Variants in ADAMTSL1 observed in about 807,000 individuals in gnomAD.
ADAMTSL1 encodes ADAMTS like 1, also known as ADAMTS-like protein 1.
A neutral mutation model predicts 201.8 loss-of-function variants in ADAMTSL1; 126 were observed. The ratio of observed to expected loss-of-function variants is 0.62; its 90% confidence interval spans 0.54 to 0.72. The LOEUF is 0.72. Ranked by LOEUF, ADAMTSL1 falls within the 30% of genes least tolerant of loss-of-function variation. ADAMTSL1 has a pLI of 0.00. For missense variants in ADAMTSL1, 2,679 were observed against 2,277.8 expected, an observed-to-expected ratio of 1.18 and a Z score of -3.59; for synonymous variants, 1,121 against 903.4, an observed-to-expected ratio of 1.24 and a Z score of -4.32.
intron 1 of ADAMTSL1, among the ~76,000 whole-genome samples, chr9:17,984,730 C>A (rs1588523496): frequency 6.6e-6 from 1 of 152,062 alleles, no homozygotes; most frequent in Non-Finnish European, 1.5e-5. Flanking sequence ...TAAACCTATT[C>A]TTTTGATGGC....
chr9:17,949,325 G>C (rs964629637), intron 1 of ADAMTSL1, among the ~76,000 whole-genome samples: 8 of 152,132 alleles, frequency 5.3e-5, no homozygotes, highest in Non-Finnish European at 8.8e-5. Flanking sequence ...TGAGAGAGCT[G>C]AGATATGAAG....
At chr9:18,907,610 C>T (rs1273370340) in intron 28 of ADAMTSL1, 2 of 152,346 alleles carry the variant, frequency 1.3e-5, no homozygotes, top group Non-Finnish European at 2.9e-5. Flanking sequence ...GTGCAGTTTT[C>T]TCCCCAACTG....
intron 2 of ADAMTSL1, among the ~76,000 whole-genome samples, chr9:18,255,479 G>A (rs1831648247): frequency 6.6e-6 from 1 of 152,148 alleles, no homozygotes. Flanking sequence ...GTACTCCTGT[G>A]ACCAGCTACT....
At chr9:18,330,764 A>G (rs566952463) in intron 2 of ADAMTSL1, among the ~76,000 whole-genome samples, 13 of 152,320 alleles carry the variant, frequency 8.5e-5, no homozygotes, top group African/African-American at 2.9e-4. Flanking sequence ...TACAACCTTT[A>G]AGATATGGCA....
intron 2 of ADAMTSL1, among the ~76,000 whole-genome samples, chr9:18,255,553 A>G (rs992809336): frequency 2.0e-5 from 3 of 152,194 alleles, no homozygotes; most frequent in Non-Finnish European, 4.4e-5. Context: ...AGCATTTCCT[A>G]TGTAATAAGA....
chr9:18,256,272 C>G (rs973670342), intron 2 of ADAMTSL1, among the ~76,000 whole-genome samples: 2 of 152,072 alleles, frequency 1.3e-5, no homozygotes, highest in African/African-American at 2.4e-5. Flanking sequence ...CAGGCTGGGA[C>G]GTTTGTCTAA....
chr9:18,618,821 A>C (rs1168666838), intron 4 of ADAMTSL1, among the ~76,000 whole-genome samples: 2 of 152,162 alleles, frequency 1.3e-5, no homozygotes, highest in Non-Finnish European at 2.9e-5. Context: ...TATTTCAGTA[A>C]TTATGATTTT....
chr9:18,833,466 GT>G (rs1310371809), intron 23 of ADAMTSL1, among the ~76,000 whole-genome samples: 4 of 152,156 alleles, frequency 2.6e-5, no homozygotes, highest in South Asian at 2.1e-4. Context: ...GTGACGTTGA[GT>G]TTTTTTCATG....
intron 2 of ADAMTSL1, among the ~76,000 whole-genome samples, chr9:18,164,576 T>A (rs1827550678): frequency 6.6e-6 from 1 of 151,740 alleles, no homozygotes; most frequent in African/African-American, 2.4e-5. Flanking sequence ...AATTTGGACT[T>A]CTTTGTGAGA....
intron 14 of ADAMTSL1, chr9:18,718,375 T>C: frequency 2.8e-6 from 2 of 723,554 alleles, no homozygotes; most frequent in Non-Finnish European, 5.2e-6. Flanking sequence ...ATTGCAAGCA[T>C]ACACTGCTGT....
intron 1 of ADAMTSL1, among the ~76,000 whole-genome samples, chr9:18,091,748 T>A (rs1463425760): frequency 6.6e-6 from 1 of 152,058 alleles, no homozygotes; most frequent in Non-Finnish European, 1.5e-5. Flanking sequence ...CAGTGTGCTA[T>A]TAAAAAGTAA....
In ADAMTSL1 at chr9:18,363,047, A is replaced by G. The variant is rs553314716; in HGVS notation, c.208-141782A>G. 8.5e-4 allele frequency among the ~76,000 whole-genome samples: 130 copies of G among 152,356 alleles called. 1 individual carries two copies. In the South Asian group the frequency reaches 0.018, roughly 21 times the overall value. On this transcript the variant is annotated intron_variant, in intron 2 of 29. Coordinates refer to the ADAMTSL1 transcript ENST00000680146. ...AAGGACTCAAGCTAGCCAAGAGGGCAGAAGCTGATATCAGAACTTCCTCTT... is the reference window on the plus strand; with the variant it reads ...AAGGACTCAAGCTAGCCAAGAGGGCGGAAGCTGATATCAGAACTTCCTCTT...
At chr9:18,440,473 T>C (rs1049777056) in intron 2 of ADAMTSL1, among the ~76,000 whole-genome samples, 2 of 151,660 alleles carry the variant, frequency 1.3e-5, no homozygotes, top group African/African-American at 4.8e-5. Context: ...CACAAGACAC[T>C]GCAATCAGCA....
At chr9:18,093,663 C>G (rs1489208801) in intron 1 of ADAMTSL1, among the ~76,000 whole-genome samples, 19 of 152,090 alleles carry the variant, frequency 1.2e-4, no homozygotes, top group Admixed American at 1.2e-3. Context: ...TAGTAAAATT[C>G]TTTAGGAACC....
At chr9:18,105,545 C>T (rs949131109) in intron 1 of ADAMTSL1, among the ~76,000 whole-genome samples, 1 of 151,912 alleles carries the variant, frequency 6.6e-6, no homozygotes, top group African/African-American at 2.4e-5. Flanking sequence ...GTGTTTTGGC[C>T]TAGAGGGAAA....
chr9:17,959,621 G>T (rs1817653156), intron 1 of ADAMTSL1, among the ~76,000 whole-genome samples: 1 of 151,958 alleles, frequency 6.6e-6, no homozygotes, highest in Non-Finnish European at 1.5e-5. Flanking sequence ...ACCATGCCTG[G>T]CTAATTTTGT....
In ADAMTSL1 at chr9:17,928,956, C is replaced by T. The variant is rs573314093; in HGVS notation, c.87+22034C>T. Among the ~76,000 whole-genome samples, 7 of 152,120 alleles carry T rather than the reference C, an allele frequency of 4.6e-5. No homozygotes were observed. In the South Asian group the frequency reaches 6.2e-4, roughly 14 times the overall value. ...TGCTTACCACTGCCTGCTAATTACA[C>T]GACTATGGACAAAACAGTTATGTAG... On this transcript the variant is annotated intron_variant, in intron 1 of 29. Transcript: ENST00000680146.
intron 23 of ADAMTSL1, among the ~76,000 whole-genome samples, chr9:18,842,545 C>G (rs1476679436): frequency 2.6e-5 from 4 of 152,150 alleles, no homozygotes; most frequent in Non-Finnish European, 4.4e-5. Flanking sequence ...CTGTAGACAT[C>G]TATTAGGTCC....
At chr9:17,978,317 C>G (rs1217356887) in intron 1 of ADAMTSL1, among the ~76,000 whole-genome samples, 1 of 151,892 alleles carries the variant, frequency 6.6e-6, no homozygotes. Flanking sequence ...TAAATACTTA[C>G]CATTGCTGTT....
Sources: allele counts gnomAD v4.1 joint callset (sites outside exome capture counted in the v4.1 genomes callset), GRCh38; gene constraint gnomAD v4.1.1; transcripts MANE v1.5; gene names NCBI Gene and HGNC (gene_info 2026-07-23, HGNC 2026-07-21).